The following IL17RD variants were observed in gnomAD, a reference collection of about 807,000 sequenced individuals.
IL17RD encodes interleukin-17 receptor D.
IL17RD carries 52 observed loss-of-function variants against 80.5 expected under a neutral mutation model. That is an observed-to-expected ratio of 0.65 (90% confidence interval 0.52 to 0.81). The LOEUF is 0.81. Among genes scored for constraint, IL17RD ranks in the 40% least tolerant of loss-of-function variants. IL17RD has a pLI of 0.00. For synonymous variants in IL17RD, 416 were observed against 391.8 expected, an observed-to-expected ratio of 1.06 and a Z score of -0.73; for missense variants, 1,024 against 955.1, an observed-to-expected ratio of 1.07 and a Z score of -0.95.
At chr3:57,125,153 T>C (rs1707432008) in intron 1 of IL17RD, among the ~76,000 whole-genome samples, 1 of 152,198 alleles carries the variant, frequency 6.6e-6, no homozygotes, top group Non-Finnish European at 1.5e-5. Context: ...ACACCTGTAA[T>C]CCCAGCACTT....
intron 1 of IL17RD, among the ~76,000 whole-genome samples, chr3:57,126,153 T>C (rs924295370): frequency 3.3e-5 from 5 of 152,252 alleles, no homozygotes; most frequent in Admixed American, 1.3e-4. Flanking sequence ...TGCCTGTTAC[T>C]TGAAAACTAT....
intron 1 of IL17RD, among the ~76,000 whole-genome samples, chr3:57,123,255 G>A (rs1489783059): frequency 6.6e-6 from 1 of 152,182 alleles, no homozygotes; most frequent in African/African-American, 2.4e-5. Context: ...AGCAGACCCA[G>A]GTCTTGACCT....
chr3:57,105,862 T>G lies in IL17RD; in HGVS notation c.742A>C (p.Lys248Gln). 1 of 1,613,554 alleles carries G rather than the reference T, an allele frequency of 6.2e-7. No homozygotes were observed. The highest frequency in any genetic ancestry group is 8.5e-7 in the Non-Finnish European group (1 of 1,179,736). Residue 248 changes from lysine to glutamine, a missense_variant, in exon 7 of 13, where the codon AAG becomes CAG. By Grantham distance (53) the Lys-to-Gln change is moderately conservative (BLOSUM62 1). Coordinates refer to ENST00000296318, the MANE Select transcript of IL17RD (RefSeq NM_017563.5). ...ATATACACCCAGCAGCTCACCTGCTTACAGGTCTTTCGCTTGAAAGGTCCT... is the reference window on the plus strand; with the variant it reads ...ATATACACCCAGCAGCTCACCTGCTGACAGGTCTTTCGCTTGAAAGGTCCT... ...HEGPFKRKTC[K>Q]QEQTTETTSC...
chr3:57,151,600 T>C (rs758651334), intron 1 of IL17RD, among the ~76,000 whole-genome samples: 18 of 152,150 alleles, frequency 1.2e-4, no homozygotes, highest in Non-Finnish European at 2.6e-4. Context: ...AATACTAAGA[T>C]GGGACCCCTA....
Position 57,098,213 on chromosome 3 carries a change from T to C in IL17RD, c.1490A>G (p.Lys497Arg), listed in dbSNP as rs148745576. 1.2e-6 allele frequency: 2 copies of C among 1,613,790 alleles called. No homozygotes were observed. Among genetic ancestry groups the C allele is most frequent in the Non-Finnish European group, 1.7e-6 (2 of 1,179,852 alleles). Residue 497 changes from lysine (K) to arginine (R), a missense_variant, in exon 12 of 13, where the codon AAG becomes AGG. Coordinates refer to ENST00000296318, the MANE Select transcript of IL17RD (RefSeq NM_017563.5). The part of the protein sequence containing the change: ...DVPGILDLST[K>R]YRLMDNLPQL... ...AGGAAGATTGTCCATGAGTCTGTACTTGGTACTCAGGTCTAGGATACCGGG... is the reference window on the plus strand; with the variant it reads ...AGGAAGATTGTCCATGAGTCTGTACCTGGTACTCAGGTCTAGGATACCGGG...
In IL17RD at chr3:57,101,313, T is replaced by C. The variant is rs766423655; in HGVS notation, c.1030A>G (p.Thr344Ala). 4.3e-6 allele frequency: 7 copies of C among 1,612,942 alleles called. No individual in the cohort carries two copies. The highest frequency in any genetic ancestry group is 5.1e-6 in the Non-Finnish European group (6 of 1,179,136). The change falls in exon 11 of 13, where the codon ACT (threonine) becomes GCT (alanine). Residue 344 changes from threonine (T) to alanine (A), a missense_variant. By Grantham distance (58) the Thr-to-Ala change is moderately conservative. Transcript: ENST00000296318. The part of the protein sequence containing the change: ...DEESSESSTY[T>A]AALPRERLRP... ...AGCCTCTCTCTTGGGAGTGCTGCAG[T>C]GTATGTGGAAGACTCAGAGCTCTCT...
intron 1 of IL17RD, chr3:57,164,939 C>G: frequency 7.7e-7 from 1 of 1,297,202 alleles, no homozygotes; most frequent in South Asian, 1.9e-5. Flanking sequence ...ATTAGCAACA[C>G]AAAGCCGGGG....
chr3:57,160,003 C>T (rs2060292774), intron 1 of IL17RD, among the ~76,000 whole-genome samples: 1 of 152,152 alleles, frequency 6.6e-6, no homozygotes, highest in African/African-American at 2.4e-5. Context: ...GAAACCCTGT[C>T]TCTACTAAAA....
rs1003547792 is a variant in IL17RD at position 57,109,527 on chromosome 3, C to T, written c.550+10G>A. Reference sequence around the variant, plus strand: ...TCTCATGGGAACCAGGCAGGAAAGGCCATACTCACCTCGGGTTCTAAAGAA... The same window carrying T: ...TCTCATGGGAACCAGGCAGGAAAGGTCATACTCACCTCGGGTTCTAAAGAA... On this transcript the variant is annotated intron_variant, in intron 5 of 12. Transcript: ENST00000296318. 1 of 1,612,036 alleles carries T rather than the reference C, an allele frequency of 6.2e-7. No individual in the cohort carries two copies. The highest frequency in any genetic ancestry group is 8.5e-7 in the Non-Finnish European group (1 of 1,179,294).
intron 1 of IL17RD, among the ~76,000 whole-genome samples, chr3:57,144,048 G>A (rs1201020893): frequency 6.6e-6 from 1 of 152,156 alleles, no homozygotes; most frequent in Non-Finnish European, 1.5e-5. Flanking sequence ...CTGCAAAGGT[G>A]GCTGAAGCTT....
intron 1 of IL17RD, among the ~76,000 whole-genome samples, chr3:57,163,345 G>A (rs1213842952): frequency 6.6e-6 from 1 of 152,150 alleles, no homozygotes; most frequent in Admixed American, 6.5e-5. Context: ...GACTGGGACA[G>A]AGCCACCATT....
chr3:57,166,524 CAAACAAACA>C (rs2060348911), upstream of IL17RD, among the ~76,000 whole-genome samples: 1 of 151,314 alleles, frequency 6.6e-6, no homozygotes, highest in Non-Finnish European at 1.5e-5. Flanking sequence ...AACAAACAAA[CAAACAAACA>C]AACCTACCAC....
At position 57,097,833 on chromosome 3, in the gene IL17RD, G is replaced by A; in HGVS notation, c.1870C>T (p.His624Tyr). 1 of 1,611,694 alleles carries A rather than the reference G, an allele frequency of 6.2e-7. No homozygotes were observed. Among genetic ancestry groups the A allele is most frequent in the Non-Finnish European group, 8.5e-7 (1 of 1,178,940 alleles). ...TCCCCGTCTTGGTCCAGGCCCCCAT[G>A]CTGACTCTCGTGCTGGGAGTCGGCT... ...GPADSQHESQ[H>Y]GGLDQDGEAR... The change falls in exon 12 of 13, where the codon CAT (histidine) becomes TAT (tyrosine). Residue 624 changes from histidine to tyrosine, a missense_variant. Physicochemically the swap from His to Tyr is moderately conservative, Grantham distance 83. Coordinates refer to ENST00000296318, the MANE Select transcript of IL17RD (RefSeq NM_017563.5).
intron 7 of IL17RD, among the ~76,000 whole-genome samples, chr3:57,105,552 A>AAAAAAAATATATAT: frequency 2.0e-4 from 13 of 63,584 alleles, no homozygotes; most frequent in South Asian, 1.2e-3. Context: ...AAAAAAAAAA[A>AAAAAAAATATATAT]ATATATATAT....
chr3:57,133,905 C>G (rs1178730450), intron 1 of IL17RD, among the ~76,000 whole-genome samples: 1 of 152,166 alleles, frequency 6.6e-6, no homozygotes, highest in Non-Finnish European at 1.5e-5. Context: ...TATCTTGCCA[C>G]TTCATTAAGG....
At chr3:57,144,890 T>C (rs1707895673) in intron 1 of IL17RD, among the ~76,000 whole-genome samples, 1 of 152,210 alleles carries the variant, frequency 6.6e-6, no homozygotes, top group Non-Finnish European at 1.5e-5. Context: ...GAAGGAGTCA[T>C]TTTTAAAAAC....
Position 57,143,113 on chromosome 3 carries a change from G to A in IL17RD, c.126+22048C>T, listed in dbSNP as rs1438325127. ...TTATCACAAACCAAAGTTTATGTGA[G>A]CAGCTAAGCCCCCTTTCAAAGTAGA... On this transcript the variant is annotated intron_variant, in intron 1 of 12. Coordinates refer to ENST00000296318, the MANE Select transcript of IL17RD (RefSeq NM_017563.5). Among the ~76,000 whole-genome samples, 2 of 152,226 alleles carry A rather than the reference G, an allele frequency of 1.3e-5. 1 individual carries two copies. The highest frequency in any genetic ancestry group is 4.8e-5 in the African/African-American group (2 of 41,458).
intron 2 of IL17RD, among the ~76,000 whole-genome samples, chr3:57,119,006 G>A (rs2107496728): frequency 6.6e-6 from 1 of 151,956 alleles, no homozygotes; most frequent in Non-Finnish European, 1.5e-5. Context: ...AGGAGTTCAA[G>A]ACCAGCCTGG....
At chr3:57,169,193 G>A (rs1444791897), upstream of IL17RD, 1 of 511,444 alleles carries the variant, frequency 2.0e-6, no homozygotes, top group Non-Finnish European at 3.9e-6. Flanking sequence ...CAGAAGATGA[G>A]CTAGGGAAAC....
Sources: allele counts gnomAD v4.1 joint callset (sites outside exome capture counted in the v4.1 genomes callset), GRCh38; gene constraint gnomAD v4.1.1; transcripts MANE v1.5; gene names NCBI Gene and HGNC (gene_info 2026-07-23, HGNC 2026-07-21).